CTSC: variants seen among roughly 807,000 people sequenced by gnomAD.
CTSC encodes the protein dipeptidyl peptidase 1.
Under a neutral mutation model 40.9 loss-of-function variants are expected in CTSC, and 37 were observed. The observed-to-expected ratio is 0.91, with a 90% CI of 0.70 to 1.19. The LOEUF (loss-of-function observed/expected upper bound fraction) is 1.19, where lower values mean the gene tolerates loss of function less well. Among genes scored for constraint, CTSC ranks in the 50% most tolerant of loss-of-function variants. The pLI is 0.00. For synonymous variants in CTSC, 232 were observed against 207.4 expected (o/e 1.12, Z -1.02); for missense variants, 594 against 567.3 (o/e 1.05, Z -0.48).
chr11:88,321,198 T>C (rs1047932274), intron 2 of CTSC: 8 of 212,312 alleles, frequency 3.8e-5, no homozygotes, highest in Middle Eastern at 2.2e-3. Flanking sequence ...GTTTCTTACA[T>C]AGATAAACAT....
At chr11:88,327,108 A>T (rs1938215032) in intron 2 of CTSC, among the ~76,000 whole-genome samples, 1 of 152,236 alleles carries the variant, frequency 6.6e-6, no homozygotes, top group Admixed American at 6.5e-5. Flanking sequence ...TATTTATTCA[A>T]CTACCAGAAA....
rs1179252076 is a variant in CTSC at position 88,296,135 on chromosome 11, T to C, written c.887A>G (p.Gln296Arg). 4 of 1,613,742 alleles carry C rather than the reference T, an allele frequency of 2.5e-6. No homozygotes were observed. The highest frequency in any genetic ancestry group is 3.4e-6 in the Non-Finnish European group (4 of 1,179,816). The change falls in exon 6 of 7, where the codon CAA becomes CGA. Residue 296 changes from glutamine (Q) to arginine (R), a missense_variant and splice_region_variant. By Grantham distance (43) the Gln-to-Arg change is conservative (BLOSUM62 1). Coordinates refer to ENST00000227266, the MANE Select transcript of CTSC (RefSeq NM_001814.6). ...GGTGTCTGAAATGCAACACTTACCT[T>C]GAGCATACTGGCTACAAGACACAAC... The part of the protein sequence containing the change: ...QEVVSCSQYA[Q>R]GCEGGFPYLI...
At chr11:88,326,569 T>C in intron 2 of CTSC, 2 of 693,912 alleles carry the variant, frequency 2.9e-6, no homozygotes, top group Non-Finnish European at 4.9e-6. Context: ...GAGATCCTGG[T>C]ATATTTTTGT....
chr11:88,319,787 T>C (rs1937956721), intron 2 of CTSC, among the ~76,000 whole-genome samples: 1 of 152,190 alleles, frequency 6.6e-6, no homozygotes, highest in Non-Finnish European at 1.5e-5. Context: ...ATAAAAAATT[T>C]AGACATCCAA....
At chr11:88,325,044 TATGA>T in intron 2 of CTSC, 2 of 985,186 alleles carry the variant, frequency 2.0e-6, no homozygotes, top group Non-Finnish European at 2.4e-6. Flanking sequence ...ACCCAGACAA[TATGA>T]ATTAAACATA....
At chr11:88,300,774 C>A in intron 4 of CTSC, 129 bp from the exon 5 acceptor site, 1 of 691,168 alleles carries the variant, frequency 1.4e-6, no homozygotes, top group Middle Eastern at 3.2e-4. Context: ...CCCAGAGCAC[C>A]TGTTTTATGA....
Position 88,294,108 on chromosome 11 carries a change from G to GC in CTSC, c.1289dup (p.Thr431HisfsTer5). On this transcript the variant is annotated frameshift_variant, in exon 7 of 7. Coordinates refer to ENST00000227266, the MANE Select transcript of CTSC (RefSeq NM_001814.6). LOFTEE classifies it high-confidence loss of function. ...AGTAGCCATTCTCACCCCAGCCGGT[G>GC]CCCCAGCTGTTTTTAACAATCCAGT... 2 of 1,613,984 alleles carry GC rather than the reference G, an allele frequency of 1.2e-6. No homozygotes were observed. Among genetic ancestry groups the GC allele is most frequent in the Non-Finnish European group, 1.7e-6 (2 of 1,180,008 alleles).
intron 2 of CTSC, among the ~76,000 whole-genome samples, chr11:88,329,852 A>G (rs769560504): frequency 2.6e-5 from 4 of 152,078 alleles, no homozygotes; most frequent in Non-Finnish European, 4.4e-5. Flanking sequence ...TCGGCCTCCC[A>G]AGTAACTGGG....
chr11:88,325,054 A>G, intron 2 of CTSC: 1 of 985,038 alleles, frequency 1.0e-6, no homozygotes, highest in Non-Finnish European at 1.2e-6. Flanking sequence ...TATGAATTAA[A>G]CATAACCCCA....
chr11:88,306,895 A>G (rs1937645045), intron 4 of CTSC, among the ~76,000 whole-genome samples: 1 of 152,194 alleles, frequency 6.6e-6, no homozygotes, highest in Non-Finnish European at 1.5e-5. Context: ...AGTCTCCAAC[A>G]TCCACTCCTA....
Position 88,294,194 on chromosome 11 carries a change from G to C in CTSC, c.1204C>G (p.Leu402Val), listed in dbSNP as rs751847381. Residue 402 changes from leucine to valine, a missense_variant, in exon 7 of 7, where the codon CTG (leucine) becomes GTG (valine). By Grantham distance (32) the Leu-to-Val change is conservative. Transcript: ENST00000227266. ...GLRDPFNPFE[L>V]TNHAVLLVGY... ...ACAAGCAGAACAGCATGATTAGTCA[G>C]CTCAAAGGGGTTGAAAGGGTCTCTT... 1.2e-6 allele frequency: 2 copies of C among 1,613,936 alleles called. No individual in the cohort carries two copies. Among genetic ancestry groups the C allele is most frequent in the South Asian group, 2.2e-5 (2 of 91,064 alleles).
rs1037494337 is a variant in CTSC at position 88,324,318 on chromosome 11, G to T, written c.318+10619C>A. The T allele has an allele frequency of 9.3e-5, 86 of 925,080 alleles. No individual in the cohort carries two copies. In the Admixed American group the frequency reaches 9.9e-4, roughly 11 times the overall value. The allele number at this position is 925,080 out of a possible 1,614,324, so 57.3% of individuals were successfully genotyped here. On this transcript the variant is annotated intron_variant, in intron 2 of 6. Transcript: ENST00000227266. ...TAAAACACCCTAGAAGAAAATCTAG[G>T]AATGCCATTGAATATATTTTTTACA...
intron 4 of CTSC, among the ~76,000 whole-genome samples, chr11:88,303,922 G>A (rs1937607552): frequency 6.6e-6 from 1 of 152,088 alleles, no homozygotes; most frequent in South Asian, 2.1e-4. Context: ...ATCAGAGAGA[G>A]AGAGAGAGAG....
In CTSC at chr11:88,309,305, G is replaced by A; in HGVS notation, c.499C>T (p.Leu167Phe). ...ACAAAGTTGTGATCATACTTGTAGA[G>A]CCTATTAGAATACCTGTCCCCAAAA... ...KNSQEKYSNR[L>F]YKYDHNFVKA... Residue 167 changes from leucine (L) to phenylalanine (F), a missense_variant, in exon 4 of 7, where the codon CTC becomes TTC. Coordinates refer to ENST00000227266, the MANE Select transcript of CTSC (RefSeq NM_001814.6). 6.2e-7 allele frequency: 1 copy of A among 1,613,360 alleles called. No individual in the cohort carries two copies. Among genetic ancestry groups the A allele is most frequent in the East Asian group, 2.2e-5 (1 of 44,856 alleles).
intron 2 of CTSC, among the ~76,000 whole-genome samples, chr11:88,328,795 T>C (rs1938263537): frequency 6.6e-6 from 1 of 152,064 alleles, no homozygotes; most frequent in African/African-American, 2.4e-5. Context: ...ACCCGGCTAC[T>C]TTTTGTATTT....
chr11:88,297,822 T>A (rs1230471815), intron 5 of CTSC: 1 of 152,248 alleles, frequency 6.6e-6, no homozygotes, highest in African/African-American at 2.4e-5. Flanking sequence ...CTCTTAAGAA[T>A]ACTGCAATGC....
chr11:88,311,060 C>T (rs182928159), intron 3 of CTSC, among the ~76,000 whole-genome samples: 227 of 152,254 alleles, frequency 1.5e-3, no homozygotes, highest in Non-Finnish European at 2.7e-3. Flanking sequence ...GATAACAGAT[C>T]ATTAAGAGCT....
At chr11:88,300,459 C>A in intron 5 of CTSC, 71 bp downstream of exon 5, 1 of 933,136 alleles carries the variant, frequency 1.1e-6, no homozygotes, top group Non-Finnish European at 1.8e-6. Context: ...CCCCGAAATC[C>A]ATCACACAGA....
intron 3 of CTSC, among the ~76,000 whole-genome samples, chr11:88,311,678 G>A (rs1937761008): frequency 6.6e-6 from 1 of 152,140 alleles, no homozygotes; most frequent in Non-Finnish European, 1.5e-5. Flanking sequence ...ACTGTATTTG[G>A]AGACAGAGCT....
Sources: gnomAD v4.1 joint callset for allele counts (sites outside exome capture counted in the v4.1 genomes callset) on GRCh38, gnomAD v4.1.1 for gene constraint, MANE v1.5 for transcripts, NCBI Gene and HGNC (gene_info 2026-07-23, HGNC 2026-07-21) for gene names.